Variants in PRR16 observed in about 807,000 individuals in gnomAD.
The protein encoded by PRR16 is proline rich 16, also known as protein Largen.
PRR16 carries 6 observed loss-of-function variants against 18.2 expected under a neutral mutation model. That is an observed-to-expected ratio of 0.33 (90% CI 0.18 to 0.65). PRR16 has a LOEUF of 0.65. Among genes scored for constraint, PRR16 ranks in the 30% least tolerant of loss-of-function variants. PRR16 has a pLI of 0.74. For missense variants in PRR16, 412 were observed against 376.6 expected, an observed-to-expected ratio of 1.09 and a Z score of -0.78; for synonymous variants, 151 against 147.8, an observed-to-expected ratio of 1.02 and a Z score of -0.16.
intron 1 of PRR16, among the ~76,000 whole-genome samples, chr5:120,669,871 T>C (rs1756536287): frequency 6.6e-6 from 1 of 152,102 alleles, no homozygotes; most frequent in Admixed American, 6.6e-5. Context: ...TATACCGTTT[T>C]GAACACTGGG....
the PRR16 span, among the ~76,000 whole-genome samples, chr5:120,716,223 T>G: frequency 6.6e-6 from 1 of 152,178 alleles, no homozygotes; most frequent in Admixed American, 6.5e-5. Context: ...GCCACCCTCC[T>G]TGACTTTATG....
chr5:120,759,990 AG>A, the PRR16 span, among the ~76,000 whole-genome samples: 1 of 152,184 alleles, frequency 6.6e-6, no homozygotes, highest in Non-Finnish European at 1.5e-5. Context: ...TGTGTGTAAA[AG>A]GTGCTAATCT....
chr5:120,713,305 T>G, the PRR16 span, among the ~76,000 whole-genome samples: 1 of 152,288 alleles, frequency 6.6e-6, no homozygotes, highest in Admixed American at 6.5e-5. Context: ...GATACATAAA[T>G]GTAGCATAGT....
intron 1 of PRR16, among the ~76,000 whole-genome samples, chr5:120,649,490 T>C (rs1490659069): frequency 1.3e-5 from 2 of 152,178 alleles, no homozygotes; most frequent in Non-Finnish European, 2.9e-5. Flanking sequence ...TTATGAGTTA[T>C]CTGGCTTCTT....
chr5:120,490,202 T>C (rs1380582644), intron 1 of PRR16, among the ~76,000 whole-genome samples: 1 of 152,192 alleles, frequency 6.6e-6, no homozygotes, highest in Non-Finnish European at 1.5e-5. Flanking sequence ...TTGGCCTGCC[T>C]TGCTAGATTG....
the PRR16 span, among the ~76,000 whole-genome samples, chr5:120,754,380 ATATATAT>A: frequency 0.019 from 812 of 42,810 alleles, 57 homozygotes; most frequent in Middle Eastern, 0.091. Flanking sequence ...AATATATAAC[ATATATAT>A]TATATGTTAT....
chr5:120,743,442 T>C, the PRR16 span, among the ~76,000 whole-genome samples: 1 of 152,150 alleles, frequency 6.6e-6, no homozygotes, highest in South Asian at 2.1e-4. Context: ...GCTTAGTTGG[T>C]GTAATAGTGT....
Position 120,685,980 on chromosome 5 carries a change from C to A in PRR16, c.186C>A (p.Thr62=). 6.2e-7 allele frequency: 1 copy of A among 1,613,826 alleles called. No homozygotes were observed. The highest frequency in any genetic ancestry group is 8.5e-7 in the Non-Finnish European group (1 of 1,179,844). ...KEVVDQIDTL[T]SDLQLEDEMT... ...TGGTTGACCAGATTGACACCCTGAC[C>A]TCTGACCTACAGCTGGAGGATGAGA... Residue 62 remains threonine (T), a synonymous_variant, in exon 2 of 2, where the codon ACC becomes ACA. Transcript: ENST00000407149.
the PRR16 span, among the ~76,000 whole-genome samples, chr5:120,784,613 GAAT>G: frequency 6.6e-6 from 1 of 152,100 alleles, no homozygotes; most frequent in African/African-American, 2.4e-5. Flanking sequence ...AAAAAAATCT[GAAT>G]AAAAATGGGC....
intron 1 of PRR16, among the ~76,000 whole-genome samples, chr5:120,623,786 G>A (rs1037282208): frequency 6.6e-6 from 1 of 151,996 alleles, no homozygotes; most frequent in African/African-American, 2.4e-5. Context: ...AGGAAAAGCA[G>A]ACTTATTTTA....
At chr5:120,580,292 C>T (rs1369149490) in intron 1 of PRR16, among the ~76,000 whole-genome samples, 1 of 152,012 alleles carries the variant, frequency 6.6e-6, no homozygotes, top group African/African-American at 2.4e-5. Context: ...TGAGAGAGGG[C>T]ATTCTTGTCT....
At chr5:120,768,499 T>C in the PRR16 span, among the ~76,000 whole-genome samples, 1 of 151,684 alleles carries the variant, frequency 6.6e-6, no homozygotes, top group Non-Finnish European at 1.5e-5. Context: ...TTGTCTCTAA[T>C]TGATTATAGA....
At chr5:120,541,838 G>T (rs1751926242) in intron 1 of PRR16, among the ~76,000 whole-genome samples, 1 of 151,956 alleles carries the variant, frequency 6.6e-6, no homozygotes. Flanking sequence ...CAACCAAAAA[G>T]ACATTTCCTC....
chr5:120,785,142 A>G, the PRR16 span, among the ~76,000 whole-genome samples: 1 of 152,062 alleles, frequency 6.6e-6, no homozygotes, highest in Non-Finnish European at 1.5e-5. Flanking sequence ...TAATACAAAT[A>G]TCATAAACAA....
the PRR16 span, among the ~76,000 whole-genome samples, chr5:120,698,688 A>G: frequency 6.6e-6 from 1 of 152,066 alleles, no homozygotes; most frequent in Non-Finnish European, 1.5e-5. Flanking sequence ...AATGGGGTGT[A>G]CCTTGTAGCA....
intron 1 of PRR16, among the ~76,000 whole-genome samples, chr5:120,511,884 G>T (rs1348698693): frequency 2.6e-5 from 4 of 152,156 alleles, no homozygotes; most frequent in African/African-American, 9.7e-5. Flanking sequence ...CCTTAGAAAA[G>T]TGAGAAAGCT....
At chr5:120,698,508 A>AAAGTCTAAACTGG in the PRR16 span, among the ~76,000 whole-genome samples, 1 of 118,842 alleles carries the variant, frequency 8.4e-6, no homozygotes. Context: ...GCTTGGAGAA[A>AAAGTCTAAACTGG]CAGTGTAAAC....
chr5:120,466,809 ATTTG>A (rs1561501892), intron 1 of PRR16, among the ~76,000 whole-genome samples: 1 of 152,138 alleles, frequency 6.6e-6, no homozygotes, highest in Non-Finnish European at 1.5e-5. Context: ...ATTTTGGAAG[ATTTG>A]TTTGTCTTAA....
At chr5:120,538,525 A>G (rs926074937) in intron 1 of PRR16, among the ~76,000 whole-genome samples, 9 of 152,246 alleles carry the variant, frequency 5.9e-5, no homozygotes, top group African/African-American at 2.2e-4. Context: ...ACATTAATAT[A>G]TGCTATTAAA....
Sources: gnomAD v4.1 joint callset for allele counts (sites outside exome capture counted in the v4.1 genomes callset) on GRCh38, gnomAD v4.1.1 for gene constraint, MANE v1.5 for transcripts, NCBI Gene and HGNC (gene_info 2026-07-23, HGNC 2026-07-21) for gene names.